CD2AP: variants seen among roughly 807,000 people sequenced by gnomAD.
The protein encoded by CD2AP is CD2 associated protein.
A neutral mutation model predicts 85.1 loss-of-function variants in CD2AP; 46 were observed. The observed-to-expected ratio is 0.54, with a 90% confidence interval of 0.43 to 0.69. The LOEUF (loss-of-function observed/expected upper bound fraction) is 0.69. CD2AP is among the 30% of genes least tolerant of loss of function. The pLI is 0.00. For missense variants in CD2AP, 769 were observed against 729.5 expected, an observed-to-expected ratio of 1.05 and a Z score of -0.62; for synonymous variants, 255 against 252.9, an observed-to-expected ratio of 1.01 and a Z score of -0.08.
chr6:47,552,805 A>G (rs147528894), intron 4 of CD2AP, among the ~76,000 whole-genome samples: 137 of 152,196 alleles, frequency 9.0e-4, no homozygotes, highest in African/African-American at 3.1e-3. Flanking sequence ...AGTCTGATAA[A>G]AATTCTGGTC....
At chr6:47,588,029 G>T (rs1265636076) in intron 11 of CD2AP, among the ~76,000 whole-genome samples, 2 of 152,044 alleles carry the variant, frequency 1.3e-5, no homozygotes, top group Non-Finnish European at 2.9e-5. Context: ...ATTGCTTTCC[G>T]TGTGTTTGCA....
intron 6 of CD2AP, among the ~76,000 whole-genome samples, chr6:47,574,849 AG>A (rs1768261827): frequency 6.6e-6 from 1 of 152,150 alleles, no homozygotes; most frequent in Non-Finnish European, 1.5e-5. Context: ...TAAAACCTTA[AG>A]CTGTTAATTT....
At chr6:47,552,590 CA>C (rs1351715817) in intron 4 of CD2AP, among the ~76,000 whole-genome samples, 1 of 152,100 alleles carries the variant, frequency 6.6e-6, no homozygotes, top group African/African-American at 2.4e-5. Flanking sequence ...TATATTTTTG[CA>C]ATTGCAGATT....
intron 16 of CD2AP, among the ~76,000 whole-genome samples, chr6:47,611,815 A>C (rs1344891591): frequency 6.6e-6 from 1 of 152,048 alleles, no homozygotes; most frequent in Non-Finnish European, 1.5e-5. Flanking sequence ...TCGATATTTG[A>C]ATACCAAATC....
chr6:47,595,159 C>CTT (rs1270030823), intron 11 of CD2AP, among the ~76,000 whole-genome samples: 1 of 151,874 alleles, frequency 6.6e-6, no homozygotes, highest in East Asian at 1.9e-4. Context: ...TAAAAGAGTA[C>CTT]TTGTTGCCTT....
intron 2 of CD2AP, among the ~76,000 whole-genome samples, chr6:47,508,346 A>G (rs1253002682): frequency 6.6e-6 from 1 of 152,198 alleles, no homozygotes; most frequent in Non-Finnish European, 1.5e-5. Flanking sequence ...ATTATGTTAT[A>G]GAAATGGCTT....
At position 47,533,648 on chromosome 6, in the gene CD2AP, A is replaced by T; in HGVS notation, c.212A>T (p.Lys71Ile). 1.9e-6 allele frequency: 3 copies of T among 1,614,112 alleles called. No individual in the cohort carries two copies. The highest frequency in any genetic ancestry group is 2.5e-6 in the Non-Finnish European group (3 of 1,179,998). The change falls in exon 3 of 18, where the codon AAA (lysine) becomes ATA (isoleucine). Residue 71 changes from lysine (K) to isoleucine (I), a missense_variant. By Grantham distance (102) the Lys-to-Ile change is moderately radical. Transcript: ENST00000359314. ...TEFKDDSLPI[K>I]RERHGNVASL... ...TTCAAGGATGACAGTTTGCCCATCAAACGGGAAAGGCATGGGAATGTAGCA... is the reference window on the plus strand; with the variant it reads ...TTCAAGGATGACAGTTTGCCCATCATACGGGAAAGGCATGGGAATGTAGCA...
intron 8 of CD2AP, among the ~76,000 whole-genome samples, chr6:47,577,314 G>T (rs1402284229): frequency 6.6e-6 from 1 of 151,952 alleles, no homozygotes; most frequent in Admixed American, 6.6e-5. Context: ...TATATTTGTT[G>T]TAATTTACAT....
At chr6:47,550,357 A>G (rs1767481777) in intron 4 of CD2AP, among the ~76,000 whole-genome samples, 1 of 152,186 alleles carries the variant, frequency 6.6e-6, no homozygotes, top group Non-Finnish European at 1.5e-5. Context: ...CAAATTAGCA[A>G]GAAAAAAACA....
intron 5 of CD2AP, among the ~76,000 whole-genome samples, chr6:47,564,461 C>T (rs1214236499): frequency 1.3e-5 from 2 of 152,010 alleles, no homozygotes; most frequent in African/African-American, 2.4e-5. Flanking sequence ...AAATACTTTG[C>T]ACATTTTCTT....
chr6:47,500,935 G>A (rs770257262), intron 1 of CD2AP, among the ~76,000 whole-genome samples: 4 of 152,154 alleles, frequency 2.6e-5, no homozygotes, highest in Non-Finnish European at 5.9e-5. Context: ...TTTTAGTAGA[G>A]ATGGGGTTTC....
rs1352933557 is a variant in CD2AP, at chr6:47,503,290, T to C, written c.15T>C (p.Ile5=). 6.2e-7 allele frequency: 1 copy of C among 1,613,584 alleles called. No individual in the cohort carries two copies. Among genetic ancestry groups the C allele is most frequent in the Non-Finnish European group, 8.5e-7 (1 of 1,179,744 alleles). Residue 5 remains isoleucine, a synonymous_variant, in exon 2 of 18, where the codon ATT becomes ATC. Coordinates refer to ENST00000359314, the MANE Select transcript of CD2AP (RefSeq NM_012120.3). ...TTCCCCCTTTTTTAGTTGACTATAT[T>C]GTGGAGTATGACTATGATGCTGTAC... The part of the protein sequence containing the change: MVDY[I]VEYDYDAVHD...
chr6:47,505,011 C>CTTTTT (rs58060161), intron 2 of CD2AP, among the ~76,000 whole-genome samples: 52 of 95,112 alleles, frequency 5.5e-4, no homozygotes, highest in African/African-American at 2.0e-3. Flanking sequence ...GTGGCAGTTT[C>CTTTTT]TTTTTTTTTT....
intron 1 of CD2AP, among the ~76,000 whole-genome samples, chr6:47,488,872 CTGAG>C (rs973912451): frequency 4.6e-5 from 7 of 152,022 alleles, no homozygotes; most frequent in East Asian, 1.9e-4. Flanking sequence ...GCCTGTGCAA[CTGAG>C]TGAGTCTTTC....
intron 2 of CD2AP, among the ~76,000 whole-genome samples, chr6:47,510,988 GC>G (rs1186750825): frequency 7.0e-6 from 1 of 143,018 alleles, no homozygotes; most frequent in Non-Finnish European, 1.5e-5. Flanking sequence ...TGGGAGAATT[GC>G]TTGAACCCGG....
chr6:47,532,376 T>TACACAC (rs10522555), intron 2 of CD2AP, among the ~76,000 whole-genome samples: 108 of 142,030 alleles, frequency 7.6e-4, no homozygotes, highest in Middle Eastern at 3.6e-3. Context: ...TATATATGTA[T>TACACAC]ACACACACAC....
chr6:47,501,169 T>C (rs1216612854), intron 1 of CD2AP, among the ~76,000 whole-genome samples: 1 of 152,178 alleles, frequency 6.6e-6, no homozygotes, highest in Non-Finnish European at 1.5e-5. Context: ...GGAGGATCGC[T>C]TGAGCCCAGG....
At chr6:47,527,289 C>A (rs140707650) in intron 2 of CD2AP, among the ~76,000 whole-genome samples, 372 of 152,326 alleles carry the variant, frequency 2.4e-3, no homozygotes, top group African/African-American at 8.3e-3. Context: ...TGCTCTTGGT[C>A]TGTCTCCCTT....
chr6:47,574,890 AT>A (rs1377083974), intron 6 of CD2AP, among the ~76,000 whole-genome samples: 1 of 152,146 alleles, frequency 6.6e-6, no homozygotes, highest in Non-Finnish European at 1.5e-5. Context: ...TCTGTAGAAC[AT>A]TTTTTCACAG....
Sources: gnomAD v4.1 joint callset for allele counts (sites outside exome capture counted in the v4.1 genomes callset) on GRCh38, gnomAD v4.1.1 for gene constraint, MANE v1.5 for transcripts, NCBI Gene and HGNC (gene_info 2026-07-23, HGNC 2026-07-21) for gene names.